Variants in PID1 observed in about 807,000 individuals in gnomAD.
The protein encoded by PID1 is phosphotyrosine interaction domain containing 1, also known as PTB-containing, cubilin and LRP1-interacting protein.
Under a neutral mutation model 19.1 loss-of-function variants are expected in PID1, and 10 were observed. The ratio of observed to expected loss-of-function variants is 0.52; its 90% confidence interval spans 0.32 to 0.89. PID1 has a LOEUF of 0.89. Ranked by LOEUF, PID1 falls within the 40% of genes least tolerant of loss-of-function variation. The pLI is 0.03. For missense variants in PID1, 248 were observed against 285.3 expected, an observed-to-expected ratio of 0.87 and a Z score of 0.94; for synonymous variants, 130 against 116.0, an observed-to-expected ratio of 1.12 and a Z score of -0.78.
intron 1 of PID1, among the ~76,000 whole-genome samples, chr2:229,179,340 T>C (rs1169742545): frequency 6.6e-6 from 1 of 152,162 alleles, no homozygotes; most frequent in African/African-American, 2.4e-5. Context: ...TCCATGTATA[T>C]TCCCTTCTAA....
At chr2:229,082,383 T>C (rs1388783028) in intron 2 of PID1, among the ~76,000 whole-genome samples, 1 of 152,228 alleles carries the variant, frequency 6.6e-6, no homozygotes, top group Non-Finnish European at 1.5e-5. Context: ...CTTTACCCCA[T>C]GGTGTTACTC....
At chr2:229,212,288 A>G (rs1353980300) in intron 1 of PID1, among the ~76,000 whole-genome samples, 1 of 152,234 alleles carries the variant, frequency 6.6e-6, no homozygotes, top group Non-Finnish European at 1.5e-5. Context: ...TTCCCTTTCA[A>G]AGAACAACTT....
chr2:229,210,525 CAAAAAAAAAAAA>C (rs1170895327), intron 1 of PID1, among the ~76,000 whole-genome samples: 2 of 15,534 alleles, frequency 1.3e-4, no homozygotes, highest in Non-Finnish European at 2.0e-4. Context: ...AGTTTTGTCT[CAAAAAAAAAAAA>C]AAAAAAAAAA....
intron 1 of PID1, among the ~76,000 whole-genome samples, chr2:229,159,565 T>A (rs1452567156): frequency 1.3e-5 from 2 of 152,082 alleles, no homozygotes; most frequent in African/African-American, 4.8e-5. Context: ...TCCTTTGCAG[T>A]TTTGGACTTT....
intron 1 of PID1, among the ~76,000 whole-genome samples, chr2:229,263,923 T>A (rs1319481943): frequency 6.6e-6 from 1 of 152,188 alleles, no homozygotes. Flanking sequence ...GCTATTGTTA[T>A]TATTACTGAC....
intron 1 of PID1, among the ~76,000 whole-genome samples, chr2:229,225,556 T>A (rs538417887): frequency 1.3e-5 from 2 of 152,224 alleles, no homozygotes; most frequent in South Asian, 4.1e-4. Context: ...TAGCTCCTCT[T>A]TGGTGGCCTC....
chr2:229,243,050 A>C (rs1689915610), intron 1 of PID1, among the ~76,000 whole-genome samples: 1 of 152,134 alleles, frequency 6.6e-6, no homozygotes, highest in African/African-American at 2.4e-5. Flanking sequence ...GGCAATGTAC[A>C]AAAGAAAGAG....
At chr2:229,209,461 C>T (rs1228122366) in intron 1 of PID1, among the ~76,000 whole-genome samples, 1 of 152,170 alleles carries the variant, frequency 6.6e-6, no homozygotes, top group Non-Finnish European at 1.5e-5. Context: ...CCTCCTCATG[C>T]TATCTTTCCA....
chr2:229,232,788 A>AATATATATAT (rs3997299), intron 1 of PID1, among the ~76,000 whole-genome samples: 11 of 139,904 alleles, frequency 7.9e-5, no homozygotes, highest in African/African-American at 2.7e-4. Flanking sequence ...CACACACATA[A>AATATATATAT]ATATATATAT....
chr2:229,170,406 C>A (rs868205800), intron 1 of PID1, among the ~76,000 whole-genome samples: 2 of 152,194 alleles, frequency 1.3e-5, no homozygotes, highest in African/African-American at 2.4e-5. Flanking sequence ...CATTTCCCCC[C>A]ACAATGTACA....
chr2:229,109,617 G>A (rs183377124), intron 2 of PID1, among the ~76,000 whole-genome samples: 39 of 152,324 alleles, frequency 2.6e-4, no homozygotes, highest in African/African-American at 9.4e-4. Context: ...CTAAGGGAGG[G>A]CCAGTAGAGC....
intron 2 of PID1, among the ~76,000 whole-genome samples, chr2:229,085,796 C>G (rs1694752702): frequency 6.6e-6 from 1 of 151,802 alleles, no homozygotes; most frequent in African/African-American, 2.4e-5. Context: ...CTGCATCATA[C>G]CAAATAATAT....
chr2:229,174,183 G>A (rs536487773), intron 1 of PID1, among the ~76,000 whole-genome samples: 1 of 152,320 alleles, frequency 6.6e-6, no homozygotes, highest in African/African-American at 2.4e-5. Context: ...ACAGGGAACA[G>A]AGCTTGATTC....
At chr2:229,223,342 T>C (rs1692012876) in intron 1 of PID1, among the ~76,000 whole-genome samples, 1 of 152,224 alleles carries the variant, frequency 6.6e-6, no homozygotes. Context: ...CTCAAATGTG[T>C]TTACTAAGCA....
intron 1 of PID1, among the ~76,000 whole-genome samples, chr2:229,217,306 G>A (rs1574730833): frequency 6.6e-6 from 1 of 152,212 alleles, no homozygotes; most frequent in South Asian, 2.1e-4. Context: ...TTTAAAATAT[G>A]AAGCTCAGCT....
At position 229,138,960 on chromosome 2, in the gene PID1, G is replaced by T. The variant is rs149956836; in HGVS notation, c.177+16858C>A. Among the ~76,000 whole-genome samples, 340 of 137,238 alleles carry T rather than the reference G, an allele frequency of 2.5e-3. 3 individuals carry two copies. Among genetic ancestry groups the T allele is most frequent in the Admixed American group, 0.023 (301 of 13,350 alleles). 90.0% of individuals were successfully genotyped at this position (137,238 alleles called of 152,430 possible). ...GAGAAAAGGGGTACTGAAGAAAAGA[G>T]AAATAAATAGAAAAAAATAGAAGAA... On this transcript the variant is annotated intron_variant, in intron 2 of 2. Transcript: ENST00000392055.
In PID1 at chr2:229,080,406, C is replaced by T. The variant is rs6756519; in HGVS notation, c.178-54298G>A. ...GTTGTGCACATCCTGCATTCTCTCCCGGGCATGGCTCTCCAACACCCATCC... is the reference window on the plus strand; with the variant it reads ...GTTGTGCACATCCTGCATTCTCTCCTGGGCATGGCTCTCCAACACCCATCC... On this transcript the variant is annotated intron_variant, in intron 2 of 2. Transcript: ENST00000392055. Among the ~76,000 whole-genome samples, 1,090 of 152,232 alleles carry T rather than the reference C, an allele frequency of 7.2e-3. 8 individuals carry two copies. Among genetic ancestry groups the T allele is most frequent in the African/African-American group, 0.024 (1,006 of 41,540 alleles).
At chr2:229,125,310 A>G (rs528626193) in intron 2 of PID1, among the ~76,000 whole-genome samples, 1 of 152,088 alleles carries the variant, frequency 6.6e-6, no homozygotes, top group Non-Finnish European at 1.5e-5. Context: ...AGTATGTGGT[A>G]TGAGTAAGAA....
intron 1 of PID1, among the ~76,000 whole-genome samples, chr2:229,264,209 C>T (rs368297940): frequency 3.3e-4 from 50 of 152,242 alleles, no homozygotes; most frequent in Middle Eastern, 3.4e-3. Flanking sequence ...GCTTCTAGAA[C>T]GGCTTCACTT....
Sources: allele counts gnomAD v4.1 joint callset (sites outside exome capture counted in the v4.1 genomes callset), GRCh38; gene constraint gnomAD v4.1.1; transcripts MANE v1.5; gene names NCBI Gene and HGNC (gene_info 2026-07-23, HGNC 2026-07-21).